GABRG2: variants seen among roughly 807,000 people sequenced by gnomAD.
GABRG2 encodes gamma-aminobutyric acid type A receptor subunit gamma2, also known as gamma-aminobutyric acid receptor subunit gamma-2.
Under a neutral mutation model 56.4 loss-of-function variants are expected in GABRG2, and 16 were observed. That is an observed-to-expected ratio of 0.28 (90% CI 0.19 to 0.43). The LOEUF (loss-of-function observed/expected upper bound fraction) is 0.43, where lower values mean the gene tolerates loss of function less well. Ranked by LOEUF, GABRG2 falls within the 20% of genes least tolerant of loss-of-function variation. The probability of loss-of-function intolerance (pLI) is 1.00; values close to 1 mark genes in which losing one functional copy is unlikely to be tolerated. For synonymous variants in GABRG2, 208 were observed against 205.5 expected (o/e 1.01, Z -0.10); for missense variants, 327 against 582.7 (o/e 0.56, Z 4.52).
At chr5:162,114,925 C>T (rs440218) in intron 6 of GABRG2, among the ~76,000 whole-genome samples, 51,433 of 151,464 alleles carry the variant, frequency 0.34, 9,191 homozygotes, top group East Asian at 0.61. Context: ...GCTTTGTTGC[C>T]GTTTTTGGTT....
chr5:162,082,007 A>G (rs542144195), intron 1 of GABRG2, among the ~76,000 whole-genome samples: 2 of 152,048 alleles, frequency 1.3e-5, no homozygotes, highest in Non-Finnish European at 2.9e-5. Flanking sequence ...ATGCTTACGT[A>G]AAAAATGATC....
At chr5:162,123,616 G>C (rs1165064328) in intron 6 of GABRG2, among the ~76,000 whole-genome samples, 2 of 151,882 alleles carry the variant, frequency 1.3e-5, no homozygotes, top group Admixed American at 6.6e-5. Context: ...TATTTTTAAA[G>C]ACTGACAGTA....
At chr5:162,090,211 A>G (rs1760449463) in intron 1 of GABRG2, among the ~76,000 whole-genome samples, 1 of 152,032 alleles carries the variant, frequency 6.6e-6, no homozygotes, top group Non-Finnish European at 1.5e-5. Flanking sequence ...TAAAGCAGGA[A>G]CGTGAGAATT....
At chr5:162,122,524 G>GTTCCATCAC (rs1442208328) in intron 6 of GABRG2, among the ~76,000 whole-genome samples, 4 of 151,622 alleles carry the variant, frequency 2.6e-5, no homozygotes, top group Non-Finnish European at 5.9e-5. Flanking sequence ...TTATTGAAGG[G>GTTCCATCAC]TTCCATCACT....
In GABRG2 at chr5:162,068,087, C is replaced by T. The variant is rs1758360599; in HGVS notation, c.88C>T (p.Leu30=). The part of the protein sequence containing the change: ...SQKMTVWILL[L]LSLYPGFTSQ... ...GAAAATGACGGTGTGGATTCTGCTC[C>T]TGCTGTCGCTCTACCCTGGGTAAGA... is the stretch of plus-strand genomic sequence containing the variant. The change falls in exon 1 of 10, where the codon CTG becomes TTG. Residue 30 remains leucine, a synonymous_variant. Coordinates refer to ENST00000639213, the MANE Select transcript of GABRG2 (RefSeq NM_198904.4). 1.2e-6 allele frequency: 2 copies of T among 1,612,730 alleles called. No individual in the cohort carries two copies. The highest frequency in any genetic ancestry group is 1.7e-6 in the Non-Finnish European group (2 of 1,179,264).
chr5:162,085,573 T>G (rs909787778), intron 1 of GABRG2, among the ~76,000 whole-genome samples: 1 of 149,632 alleles, frequency 6.7e-6, no homozygotes, highest in Admixed American at 6.7e-5. Context: ...TTTTTTTACT[T>G]TTTTTTTTTA....
chr5:162,111,194 T>G (rs544853044), intron 6 of GABRG2, among the ~76,000 whole-genome samples: 33 of 152,308 alleles, frequency 2.2e-4, no homozygotes, highest in African/African-American at 7.7e-4. Context: ...ACATACTGCT[T>G]GGGGTTTAGG....
chr5:162,109,015 GT>G lies in GABRG2; in HGVS notation c.769+4990del, dbSNP rs374566960. ...TTATATTTCTTTGGGTATATACCCA[GT>G]AATGGGATGGCTGGGCACATATACA... On this transcript the variant is annotated intron_variant, in intron 6 of 9. Coordinates refer to ENST00000639213, the MANE Select transcript of GABRG2 (RefSeq NM_198904.4). Among the ~76,000 whole-genome samples, 9 of 152,218 alleles carry G rather than the reference GT, an allele frequency of 5.9e-5. 1 individual carries two copies. The highest frequency in any genetic ancestry group is 2.2e-4 in the African/African-American group (9 of 41,534).
At chr5:162,146,069 A>G (rs1157108678) in intron 7 of GABRG2, among the ~76,000 whole-genome samples, 2 of 151,986 alleles carry the variant, frequency 1.3e-5, no homozygotes, top group East Asian at 1.9e-4. Context: ...AAGGTTCTCC[A>G]TCATTACCAC....
At chr5:162,145,042 A>G (rs1764854139) in intron 7 of GABRG2, among the ~76,000 whole-genome samples, 1 of 151,946 alleles carries the variant, frequency 6.6e-6, no homozygotes, top group Non-Finnish European at 1.5e-5. Context: ...ATTGAGTCCC[A>G]TTACTTTTCT....
chr5:162,092,172 AT>A (rs1394467663), intron 1 of GABRG2, among the ~76,000 whole-genome samples: 1 of 151,732 alleles, frequency 6.6e-6, no homozygotes, highest in Admixed American at 6.6e-5. Flanking sequence ...CCCAAGAGGG[AT>A]TTTTTTTCTG....
chr5:162,092,330 A>G (rs1223469504), intron 1 of GABRG2, among the ~76,000 whole-genome samples: 1 of 152,120 alleles, frequency 6.6e-6, no homozygotes, highest in Non-Finnish European at 1.5e-5. Flanking sequence ...AAGATGTAAG[A>G]CACTGGGTAT....
intron 4 of GABRG2, chr5:162,098,357 T>G (rs544620707): frequency 1.9e-5 from 3 of 156,490 alleles, no homozygotes; most frequent in African/African-American, 7.2e-5. Flanking sequence ...ATTAATTTGT[T>G]GTCTATCTTG....
chr5:162,088,807 A>C (rs1214824805), intron 1 of GABRG2, among the ~76,000 whole-genome samples: 1 of 152,142 alleles, frequency 6.6e-6, no homozygotes, highest in Non-Finnish European at 1.5e-5. Context: ...AGGAATAATT[A>C]TGGGAATATC....
chr5:162,079,459 A>G (rs939810298), intron 1 of GABRG2, among the ~76,000 whole-genome samples: 5 of 152,008 alleles, frequency 3.3e-5, no homozygotes, highest in African/African-American at 1.2e-4. Flanking sequence ...ACTATATTAT[A>G]CTCTCCTGAA....
At chr5:162,086,242 A>C (rs146614796) in intron 1 of GABRG2, among the ~76,000 whole-genome samples, 2 of 152,176 alleles carry the variant, frequency 1.3e-5, no homozygotes, top group African/African-American at 4.8e-5. Flanking sequence ...CCACTTACTA[A>C]GTTAATTTCC....
chr5:162,112,532 A>G lies in GABRG2; in HGVS notation c.769+8506A>G, dbSNP rs571260881. On this transcript the variant is annotated intron_variant, in intron 6 of 9. Coordinates refer to ENST00000639213, the MANE Select transcript of GABRG2 (RefSeq NM_198904.4). ...TTTGATGTAAGTGAATGATTCCTTC[A>G]TCTTATTCTTGCAGTTTCAGAAAAT... is the stretch of plus-strand genomic sequence containing the variant. Among the ~76,000 whole-genome samples, 4 of 152,318 alleles carry G rather than the reference A, an allele frequency of 2.6e-5. No homozygotes were observed. In the East Asian group the frequency reaches 7.7e-4, roughly 29 times the overall value.
chr5:162,121,382 T>C (rs557617247), intron 6 of GABRG2, among the ~76,000 whole-genome samples: 1 of 152,228 alleles, frequency 6.6e-6, no homozygotes, highest in African/African-American at 2.4e-5. Flanking sequence ...TTGATGAATT[T>C]GAGTGTGATT....
rs1436751767 is a variant in GABRG2, at chr5:162,154,691, T to G, written c.*1323T>G. On this transcript the variant is annotated 3_prime_UTR_variant, in exon 10 of 10. Transcript: ENST00000639213. ...AGTTTGTGTATTATTTTTCCAGGTT[T>G]GGGGATGAGTCAGTCCTTGCCCATC... 6.6e-6 allele frequency: 1 copy of G among 152,154 alleles called. No homozygotes were observed. Among genetic ancestry groups the G allele is most frequent in the Admixed American group, 6.6e-5 (1 of 15,250 alleles). 9.4% of individuals were successfully genotyped at this position (152,154 alleles called of 1,614,324 possible).
Sources: allele counts gnomAD v4.1 joint callset (sites outside exome capture counted in the v4.1 genomes callset), GRCh38; gene constraint gnomAD v4.1.1; transcripts MANE v1.5; gene names NCBI Gene and HGNC (gene_info 2026-07-23, HGNC 2026-07-21).